OSBPL10: variants seen among roughly 807,000 people sequenced by gnomAD.
OSBPL10 encodes the protein oxysterol-binding protein-related protein 10.
Under a neutral mutation model 81.7 loss-of-function variants are expected in OSBPL10, and 49 were observed. The ratio of observed to expected loss-of-function variants is 0.60; its 90% confidence interval spans 0.48 to 0.76. The LOEUF (loss-of-function observed/expected upper bound fraction) is 0.76. Among genes scored for constraint, OSBPL10 ranks in the 30% least tolerant of loss-of-function variants. The pLI is 0.00. For missense variants in OSBPL10, 923 were observed against 987.8 expected (o/e 0.93, Z 0.88); for synonymous variants, 419 against 383.6 (o/e 1.09, Z -1.08).
chr3:32,066,508 T>A (rs985153504), intron 1 of OSBPL10: 3 of 152,208 alleles, frequency 2.0e-5, no homozygotes, highest in African/African-American at 7.2e-5. Flanking sequence ...TGAATAATTG[T>A]TTCTTTAGCA....
chr3:31,971,056 G>A (rs1285449675), intron 1 of OSBPL10, among the ~76,000 whole-genome samples: 2 of 150,940 alleles, frequency 1.3e-5, no homozygotes, highest in Non-Finnish European at 2.9e-5. Flanking sequence ...CCACTCCCAG[G>A]TGCTTCCTCT....
intron 1 of OSBPL10, among the ~76,000 whole-genome samples, chr3:31,929,760 A>G (rs1290012104): frequency 6.6e-6 from 1 of 151,228 alleles, no homozygotes; most frequent in Non-Finnish European, 1.5e-5. Context: ...AAAAAAAAAA[A>G]AAGGAAATAA....
At chr3:31,848,371 G>T (rs866887457) in intron 3 of OSBPL10, among the ~76,000 whole-genome samples, 2 of 151,318 alleles carry the variant, frequency 1.3e-5, no homozygotes, top group African/African-American at 4.9e-5. Context: ...ACAGACATAC[G>T]GCAAGTTCAA....
chr3:31,914,495 T>C (rs1696689204), intron 1 of OSBPL10, among the ~76,000 whole-genome samples: 1 of 152,178 alleles, frequency 6.6e-6, no homozygotes, highest in Non-Finnish European at 1.5e-5. Flanking sequence ...ACTCTTTTTG[T>C]CAGTATATCT....
At chr3:31,963,922 C>G (rs1209855365) in intron 1 of OSBPL10, among the ~76,000 whole-genome samples, 1 of 151,960 alleles carries the variant, frequency 6.6e-6, no homozygotes, top group Non-Finnish European at 1.5e-5. Flanking sequence ...TAATGACATG[C>G]ATGACCACAC....
chr3:31,757,948 C>T (rs1418224443), intron 4 of OSBPL10, among the ~76,000 whole-genome samples: 1 of 152,136 alleles, frequency 6.6e-6, no homozygotes, highest in Non-Finnish European at 1.5e-5. Flanking sequence ...AAGAAGTTAT[C>T]CTTTTGTAAG....
At chr3:31,706,229 G>A (rs558716730) in intron 6 of OSBPL10, among the ~76,000 whole-genome samples, 1 of 152,292 alleles carries the variant, frequency 6.6e-6, no homozygotes, top group South Asian at 2.1e-4. Context: ...ATTCCCTGGT[G>A]ACCCACAGTG....
At chr3:31,724,885 A>G (rs1224584229) in intron 6 of OSBPL10, among the ~76,000 whole-genome samples, 1 of 152,208 alleles carries the variant, frequency 6.6e-6, no homozygotes, top group Non-Finnish European at 1.5e-5. Context: ...CACAGGAGGC[A>G]GTATAGCCTA....
At chr3:31,863,893 C>G (rs1701114384) in intron 3 of OSBPL10, among the ~76,000 whole-genome samples, 1 of 152,094 alleles carries the variant, frequency 6.6e-6, no homozygotes, top group South Asian at 2.1e-4. Flanking sequence ...CCAAATCCAA[C>G]ACCACTACTA....
At chr3:32,039,473 C>T (rs1699551008) in intron 2 of OSBPL10, among the ~76,000 whole-genome samples, 1 of 151,462 alleles carries the variant, frequency 6.6e-6, no homozygotes, top group Non-Finnish European at 1.5e-5. Flanking sequence ...GCCTGGCCAG[C>T]ATGGTGAAAC....
At chr3:31,960,985 T>C (rs946504096) in intron 1 of OSBPL10, among the ~76,000 whole-genome samples, 10 of 150,618 alleles carry the variant, frequency 6.6e-5, no homozygotes, top group Non-Finnish European at 1.5e-4. Context: ...GTAAACCACC[T>C]AGCAGCTCAC....
intron 1 of OSBPL10, among the ~76,000 whole-genome samples, chr3:31,898,484 C>A (rs961241216): frequency 2.0e-5 from 3 of 151,890 alleles, no homozygotes; most frequent in African/African-American, 7.3e-5. Context: ...GTGGCTCATG[C>A]CTGTAATCCC....
intron 4 of OSBPL10, among the ~76,000 whole-genome samples, chr3:31,823,626 G>C (rs1700031522): frequency 6.6e-6 from 1 of 152,068 alleles, no homozygotes; most frequent in South Asian, 2.1e-4. Context: ...GAAATAGGTA[G>C]AATAAATTCT....
intron 4 of OSBPL10, among the ~76,000 whole-genome samples, chr3:31,772,634 T>C (rs1287756589): frequency 6.6e-6 from 1 of 152,174 alleles, no homozygotes; most frequent in Non-Finnish European, 1.5e-5. Flanking sequence ...GCCGTCTCTA[T>C]CCTCTGGTCA....
intron 1 of OSBPL10, among the ~76,000 whole-genome samples, chr3:32,071,527 G>A (rs902506838): frequency 6.6e-6 from 1 of 152,166 alleles, no homozygotes; most frequent in Non-Finnish European, 1.5e-5. Context: ...GAAGGACCAG[G>A]ACCACGCCTT....
Position 31,737,425 on chromosome 3 carries a change from T to C in OSBPL10, c.941-4014A>G, listed in dbSNP as rs143355039. Among the ~76,000 whole-genome samples, 1,301 of 152,196 alleles carry C rather than the reference T, an allele frequency of 8.5e-3. 16 individuals are homozygous for C. Among genetic ancestry groups the C allele is most frequent in the African/African-American group, 0.019 (799 of 41,520 alleles). On this transcript the variant is annotated intron_variant, in intron 5 of 11. Transcript: ENST00000396556. ...TTAGAGAAAACACCAGGAAAGGTGT[T>C]TCCTCAGCACATAAATATAGGACAA...
At chr3:32,051,359 C>T (rs913562862) in intron 1 of OSBPL10, among the ~76,000 whole-genome samples, 21 of 150,752 alleles carry the variant, frequency 1.4e-4, no homozygotes, top group Admixed American at 3.3e-4. Flanking sequence ...GGAGCGTTAT[C>T]AGAAATTCTC....
intron 6 of OSBPL10, chr3:31,714,079 A>G (rs1337155093): frequency 6.6e-6 from 1 of 152,224 alleles, no homozygotes; most frequent in Non-Finnish European, 1.5e-5. Flanking sequence ...TGGTTGGTTA[A>G]GTAAGCAACG....
At chr3:31,999,740 C>T (rs1699127149) in intron 2 of OSBPL10, among the ~76,000 whole-genome samples, 1 of 152,054 alleles carries the variant, frequency 6.6e-6, no homozygotes, top group Non-Finnish European at 1.5e-5. Context: ...TCTGCTATGC[C>T]CAGATGTCAG....
Sources: allele counts gnomAD v4.1 joint callset (sites outside exome capture counted in the v4.1 genomes callset), GRCh38; gene constraint gnomAD v4.1.1; transcripts MANE v1.5; gene names NCBI Gene and HGNC (gene_info 2026-07-23, HGNC 2026-07-21).